The following RIMS2 variants were observed in gnomAD, a reference collection of about 807,000 sequenced individuals.
The protein encoded by RIMS2 is regulating synaptic membrane exocytosis 2.
RIMS2 carries 59 observed loss-of-function variants against 174.4 expected under a neutral mutation model. The ratio of observed to expected loss-of-function variants is 0.34; its 90% CI spans 0.27 to 0.42. The LOEUF is 0.42. Among genes scored for constraint, RIMS2 ranks in the 10% least tolerant of loss-of-function variants. The probability of loss-of-function intolerance (pLI) is 1.00; values close to 1 mark genes in which losing one functional copy is unlikely to be tolerated. For synonymous variants in RIMS2, 606 were observed against 572.5 expected (o/e 1.06, Z -0.84); for missense variants, 1,620 against 1,666.3 (o/e 0.97, Z 0.48).
At chr8:104,039,225 C>T (rs1435594526) in intron 19 of RIMS2, among the ~76,000 whole-genome samples, 1 of 151,440 alleles carries the variant, frequency 6.6e-6, no homozygotes, top group African/African-American at 2.4e-5. Context: ...ATTTTTTCTT[C>T]TTTGTTTGAT....
intron 2 of RIMS2, among the ~76,000 whole-genome samples, chr8:103,707,474 C>G (rs1335372341): frequency 6.6e-6 from 1 of 152,170 alleles, no homozygotes; most frequent in Non-Finnish European, 1.5e-5. Flanking sequence ...GTAACTGTAG[C>G]CATTTCAGCA....
intron 15 of RIMS2, among the ~76,000 whole-genome samples, chr8:103,963,807 A>G (rs1471218277): frequency 2.6e-4 from 40 of 152,172 alleles, no homozygotes; most frequent in Non-Finnish European, 2.9e-5. Flanking sequence ...TCATTATATT[A>G]TCATGCAGAA....
chr8:103,585,087 G>T (rs1453969839), intron 1 of RIMS2, among the ~76,000 whole-genome samples: 1 of 152,098 alleles, frequency 6.6e-6, no homozygotes, highest in Non-Finnish European at 1.5e-5. Context: ...CTGTTGATAT[G>T]AACAGACATT....
At chr8:104,153,327 T>G (rs1482182066) in intron 19 of RIMS2, among the ~76,000 whole-genome samples, 1 of 152,176 alleles carries the variant, frequency 6.6e-6, no homozygotes, top group East Asian at 1.9e-4. Context: ...ATGGACTCTT[T>G]AAAAACTTAT....
intron 16 of RIMS2, among the ~76,000 whole-genome samples, chr8:103,978,114 A>C (rs2154548837): frequency 6.6e-6 from 1 of 152,346 alleles, no homozygotes; most frequent in East Asian, 1.9e-4. Flanking sequence ...AACAAAAGAC[A>C]TTCTATCACT....
chr8:103,739,909 AAG>A (rs1249007677), intron 2 of RIMS2, among the ~76,000 whole-genome samples: 5 of 152,088 alleles, frequency 3.3e-5, no homozygotes, highest in Non-Finnish European at 7.4e-5. Flanking sequence ...CTAAGTCCTC[AAG>A]TGTCATCATT....
chr8:103,945,286 G>A (rs1037951618), intron 14 of RIMS2, among the ~76,000 whole-genome samples: 5 of 151,988 alleles, frequency 3.3e-5, no homozygotes, highest in Non-Finnish European at 7.4e-5. Context: ...AAGTAAAGAA[G>A]TTGAATTAAT....
intron 2 of RIMS2, among the ~76,000 whole-genome samples, chr8:103,749,033 A>G (rs1290944540): frequency 6.6e-6 from 1 of 152,032 alleles, no homozygotes; most frequent in Admixed American, 6.5e-5. Context: ...TCCCAACCTC[A>G]GGTGATCCGC....
At chr8:103,885,790 A>G (rs2099197244) in exon 4 of RIMS2, 3 of 1,612,994 alleles carry the variant, frequency 1.9e-6, no homozygotes, top group Non-Finnish European at 2.5e-6. Context: ...AAAGATCTAT[A>G]TCAGAACGTA....
chr8:103,828,885 G>C (rs1303378947), intron 3 of RIMS2, among the ~76,000 whole-genome samples: 3 of 151,984 alleles, frequency 2.0e-5, no homozygotes, highest in Admixed American at 2.0e-4. Flanking sequence ...TAGTTGTGTG[G>C]CTTTACTTCT....
chr8:103,669,767 C>T (rs1354907355), intron 1 of RIMS2, among the ~76,000 whole-genome samples: 1 of 152,250 alleles, frequency 6.6e-6, no homozygotes, highest in Non-Finnish European at 1.5e-5. Context: ...TCTTGGACAA[C>T]TCTGCCCTGT....
intron 3 of RIMS2, among the ~76,000 whole-genome samples, chr8:103,779,404 T>A (rs1390633777): frequency 6.6e-6 from 1 of 152,136 alleles, no homozygotes; most frequent in Admixed American, 6.6e-5. Context: ...TTTTAATCCA[T>A]CTTGATTTGA....
intron 19 of RIMS2, among the ~76,000 whole-genome samples, chr8:104,212,029 A>T (rs2099107894): frequency 6.6e-6 from 1 of 152,134 alleles, no homozygotes; most frequent in African/African-American, 2.4e-5. Flanking sequence ...TTGTTGTTTG[A>T]GCAACTATTT....
intron 3 of RIMS2, among the ~76,000 whole-genome samples, chr8:103,787,750 T>C (rs1244979286): frequency 6.6e-6 from 1 of 152,218 alleles, no homozygotes; most frequent in African/African-American, 2.4e-5. Context: ...ATTATGTTCT[T>C]GGAGTTGCTC....
chr8:104,092,756 A>G (rs1460003653), intron 19 of RIMS2, among the ~76,000 whole-genome samples: 2 of 151,954 alleles, frequency 1.3e-5, no homozygotes, highest in African/African-American at 4.8e-5. Flanking sequence ...TGTTGTCAAA[A>G]TAAAGTTAAA....
At chr8:103,745,053 A>G (rs1382800258) in intron 2 of RIMS2, among the ~76,000 whole-genome samples, 1 of 152,206 alleles carries the variant, frequency 6.6e-6, no homozygotes, top group Non-Finnish European at 1.5e-5. Context: ...AAAATTAACT[A>G]TTTTAAAGTA....
At chr8:104,225,618 A>T (rs2099182739) in intron 19 of RIMS2, among the ~76,000 whole-genome samples, 1 of 152,192 alleles carries the variant, frequency 6.6e-6, no homozygotes, top group Non-Finnish European at 1.5e-5. Flanking sequence ...AATGTATATA[A>T]ATATGAAATT....
intron 14 of RIMS2, among the ~76,000 whole-genome samples, chr8:103,957,892 T>C (rs2088065910): frequency 6.6e-6 from 1 of 152,042 alleles, no homozygotes; most frequent in Non-Finnish European, 1.5e-5. Context: ...CATTAAAAAG[T>C]CAAAGAATAA....
At chr8:103,821,520 C>G (rs2154473288) in intron 3 of RIMS2, among the ~76,000 whole-genome samples, 1 of 151,754 alleles carries the variant, frequency 6.6e-6, no homozygotes, top group South Asian at 2.1e-4. Flanking sequence ...TCATAAATGT[C>G]CCATCAGCTA....
Sources: gnomAD v4.1 joint callset for allele counts (sites outside exome capture counted in the v4.1 genomes callset) on GRCh38, gnomAD v4.1.1 for gene constraint, MANE v1.5 for transcripts, NCBI Gene and HGNC (gene_info 2026-07-23, HGNC 2026-07-21) for gene names.